Variants in COX6A1 observed in about 807,000 individuals in gnomAD.
The protein encoded by COX6A1 is cytochrome c oxidase subunit 6A1, mitochondrial.
COX6A1 carries 10 observed loss-of-function variants against 11.3 expected under a neutral mutation model. That is an observed-to-expected ratio of 0.88 (90% confidence interval 0.54 to 1.50). COX6A1 has a LOEUF of 1.50. Ranked by LOEUF, COX6A1 falls within the 40% of genes most tolerant of loss-of-function variation. COX6A1 has a pLI of 0.00. For synonymous variants in COX6A1, 81 were observed against 60.6 expected (o/e 1.34, Z -1.57); for missense variants, 149 against 147.6 (o/e 1.01, Z -0.05).
chr12:120,438,913 C>G (rs1205410721), intron 2 of COX6A1: 1 of 189,664 alleles, frequency 5.3e-6, no homozygotes, highest in Non-Finnish European at 1.1e-5. Flanking sequence ...TTCGCGTAAG[C>G]GAACCCAGCA....
chr12:120,438,220 G>C lies in COX6A1; in HGVS notation c.94G>C (p.Glu32Gln), dbSNP rs756759502. The change falls in exon 1 of 3, where the codon GAG (glutamate) becomes CAG (glutamine). Residue 32 changes from glutamate (E) to glutamine (Q), a missense_variant. Glu to Gln is a conservative substitution (Grantham distance 29, BLOSUM62 2). Transcript: ENST00000229379. The part of the protein sequence containing the change: ...RPMSSGAHGE[E>Q]GSARMWKTLT... ...TATGTCGAGTGGCGCCCATGGCGAA[G>C]AGGGCTCAGGTACTGGGGCCGGGGT... 4 of 1,613,746 alleles carry C rather than the reference G, an allele frequency of 2.5e-6. No individual in the cohort carries two copies. The highest frequency in any genetic ancestry group is 3.4e-6 in the Non-Finnish European group (4 of 1,179,904).
Position 120,440,591 on chromosome 12 carries a change from G to A in COX6A1, c.*54G>A, listed in dbSNP as rs907973135. The stretch of plus-strand genomic sequence containing the variant: ...AGGGACCACAGCACTGGTTTGGACC[G>A]TTACTCTGCACATGGACCAGAAAAA... On this transcript the variant is annotated 3_prime_UTR_variant, in exon 3 of 3. Coordinates refer to ENST00000229379, the MANE Select transcript of COX6A1 (RefSeq NM_004373.4). The A allele has an allele frequency of 1.9e-5, 26 of 1,371,602 alleles. No individual in the cohort carries two copies. Among genetic ancestry groups the A allele is most frequent in the Admixed American group, 1.2e-4 (7 of 59,040 alleles). 85.0% of individuals were successfully genotyped at this position (1,371,602 alleles called of 1,614,324 possible).
rs372722591 is a variant in COX6A1 at position 120,440,281 on chromosome 12, G to C, written c.247-173G>C. On this transcript the variant is annotated intron_variant, in intron 2 of 2. Transcript: ENST00000229379. ...CCAGGATAACTTTAAGGGCTCCCCT[G>C]GTAGTTATAAGAGCTCCTTAAATAA... 9.9e-4 allele frequency: 543 copies of C among 545,868 alleles called. 10 individuals carry two copies. In the South Asian group the frequency reaches 0.01, roughly 10 times the overall value. The allele number at this position is 545,868 out of a possible 1,614,324, so 33.8% of individuals were successfully genotyped here.
chr12:120,438,355 T>C, intron 1 of COX6A1, 24 bp from the exon 2 acceptor site: 1 of 1,614,210 alleles, frequency 6.2e-7, no homozygotes, highest in Non-Finnish European at 8.5e-7. Flanking sequence ...ATACCGGCGC[T>C]GAACGTTTGT....
intron 2 of COX6A1, among the ~76,000 whole-genome samples, chr12:120,439,773 G>T (rs1877677988): frequency 6.6e-6 from 1 of 152,078 alleles, no homozygotes. Flanking sequence ...TTTGGGGCTG[G>T]GTAATTCTTG....
At position 120,438,207 on chromosome 12, in the gene COX6A1, C is replaced by G. The variant is rs753410217; in HGVS notation, c.81C>G (p.Gly27=). The change falls in exon 1 of 3, where the codon GGC becomes GGG. Residue 27 remains glycine, a synonymous_variant. Coordinates refer to ENST00000229379, the MANE Select transcript of COX6A1 (RefSeq NM_004373.4). ...RPQLGRPMSS[G]AHGEEGSARM... ...AGCTGGGGCGGCCTATGTCGAGTGG[C>G]GCCCATGGCGAAGAGGGCTCAGGTA... 2 of 1,613,850 alleles carry G rather than the reference C, an allele frequency of 1.2e-6. No individual in the cohort carries two copies. The highest frequency in any genetic ancestry group is 2.2e-5 in the East Asian group (1 of 44,874).
chr12:120,439,713 G>A (rs896708223), intron 2 of COX6A1, among the ~76,000 whole-genome samples: 7 of 152,140 alleles, frequency 4.6e-5, no homozygotes, highest in Non-Finnish European at 7.4e-5. Flanking sequence ...CTTGTACAAT[G>A]CAATTAGAAG....
chr12:120,438,791 T>G, intron 2 of COX6A1: 1 of 187,408 alleles, frequency 5.3e-6, no homozygotes, highest in Non-Finnish European at 1.1e-5. Flanking sequence ...GACAGTTCTT[T>G]TTTTTTTTTT....
At chr12:120,439,181 C>T (rs1565909577) in intron 2 of COX6A1, among the ~76,000 whole-genome samples, 1 of 152,190 alleles carries the variant, frequency 6.6e-6, no homozygotes, top group Non-Finnish European at 1.5e-5. Flanking sequence ...AGATATATTA[C>T]AATGTTGTGT....
intron 2 of COX6A1, 158 bp downstream of exon 2, chr12:120,438,679 G>A: frequency 3.2e-6 from 3 of 948,160 alleles, no homozygotes; most frequent in Non-Finnish European, 3.2e-6. Flanking sequence ...TGGATGGACA[G>A]CTGACACTTG....
At chr12:120,438,788 CTTTT>C (rs376239130) in intron 2 of COX6A1, 1,457 of 119,468 alleles carry the variant, frequency 0.012, no homozygotes, top group South Asian at 0.026. Flanking sequence ...TGAGACAGTT[CTTTT>C]TTTTTTTTTT....
intron 2 of COX6A1, 45 bp from the exon 3 acceptor site, chr12:120,440,409 T>C (rs1333788174): frequency 6.8e-7 from 1 of 1,479,590 alleles, no homozygotes. Flanking sequence ...GTGTTCTTTC[T>C]AAATTATTTT....
chr12:120,440,190 GTAAC>G (rs1353794901), intron 2 of COX6A1: 2 of 358,406 alleles, frequency 5.6e-6, no homozygotes, highest in African/African-American at 4.2e-5. Context: ...AGGATGATGA[GTAAC>G]TAACTTGAGC....
chr12:120,438,594 C>T, intron 2 of COX6A1, 73 bp downstream of exon 2: 1 of 1,599,542 alleles, frequency 6.3e-7, no homozygotes, highest in South Asian at 1.1e-5. Context: ...GTTCTTCATT[C>T]TCTGAAGGCA....
At chr12:120,439,236 T>C (rs1877655153) in intron 2 of COX6A1, among the ~76,000 whole-genome samples, 1 of 152,212 alleles carries the variant, frequency 6.6e-6, no homozygotes, top group Non-Finnish European at 1.5e-5. Context: ...ATTCTGATTC[T>C]TCAATACTGG....
At chr12:120,439,097 A>G (rs1459092534) in intron 2 of COX6A1, among the ~76,000 whole-genome samples, 1 of 152,188 alleles carries the variant, frequency 6.6e-6, no homozygotes, top group Admixed American at 6.6e-5. Flanking sequence ...TAGTTGCATA[A>G]TGAAGAGACT....
intron 2 of COX6A1, among the ~76,000 whole-genome samples, chr12:120,439,533 A>C (rs898768297): frequency 1.3e-5 from 2 of 151,274 alleles, no homozygotes; most frequent in Non-Finnish European, 1.5e-5. Context: ...ACTCCGTCTC[A>C]AAAAAAAATA....
At chr12:120,438,816 CTTCTGAGACAG>C in intron 2 of COX6A1, 1 of 200,370 alleles carries the variant, frequency 5.0e-6, no homozygotes, top group South Asian at 3.8e-5. Flanking sequence ...TTTTTTTTTA[CTTCTGAGACAG>C]TTCTGAAACA....
intron 2 of COX6A1, 85 bp from the exon 3 acceptor site, chr12:120,440,367 ATC>A (rs1417401257): frequency 1.0e-6 from 1 of 999,904 alleles, no homozygotes; most frequent in African/African-American, 1.6e-5. Flanking sequence ...TTTATATATG[ATC>A]TGTCACCCCG....
Sources: gnomAD v4.1 joint callset for allele counts (sites outside exome capture counted in the v4.1 genomes callset) on GRCh38, gnomAD v4.1.1 for gene constraint, MANE v1.5 for transcripts, NCBI Gene and HGNC (gene_info 2026-07-23, HGNC 2026-07-21) for gene names.